The following STOX2 variants were observed in gnomAD, a reference collection of about 807,000 sequenced individuals.
STOX2 encodes the protein storkhead-box protein 2.
Under a neutral mutation model 60.9 loss-of-function variants are expected in STOX2, and 28 were observed. The observed-to-expected ratio is 0.46, with a 90% CI of 0.34 to 0.63. The LOEUF is 0.63. Among genes scored for constraint, STOX2 ranks in the 30% least tolerant of loss-of-function variants. The pLI, the probability that STOX2 is intolerant of heterozygous loss-of-function variation, is 0.01. For synonymous variants in STOX2, 472 were observed against 463.9 expected (o/e 1.02, Z -0.22); for missense variants, 1,024 against 1,187.7 (o/e 0.86, Z 2.03).
chr4:183,929,737 C>T (rs1032175051), intron 1 of STOX2, among the ~76,000 whole-genome samples: 1 of 152,150 alleles, frequency 6.6e-6, no homozygotes, highest in Non-Finnish European at 1.5e-5. Context: ...GCCACAGCAT[C>T]GACAAGCTCC....
intron 1 of STOX2, among the ~76,000 whole-genome samples, chr4:183,873,652 C>T (rs1740747050): frequency 6.6e-6 from 1 of 152,152 alleles, no homozygotes; most frequent in Admixed American, 6.5e-5. Flanking sequence ...TTTACTGTCT[C>T]TTGGGTATGT....
At chr4:184,015,320 T>C (rs558327518) in intron 3 of STOX2, 19 of 152,344 alleles carry the variant, frequency 1.2e-4, no homozygotes, top group African/African-American at 4.6e-4. Flanking sequence ...AAGCCACTGG[T>C]GAGTTTTCCT....
intron 1 of STOX2, among the ~76,000 whole-genome samples, chr4:183,899,366 A>T (rs1438296079): frequency 1.3e-5 from 2 of 152,248 alleles, no homozygotes; most frequent in East Asian, 3.8e-4. Flanking sequence ...AGGCATGTCC[A>T]AAGCTGAGAT....
At chr4:183,861,220 A>G (rs1238351406) in intron 1 of STOX2, among the ~76,000 whole-genome samples, 1 of 152,180 alleles carries the variant, frequency 6.6e-6, no homozygotes, top group Non-Finnish European at 1.5e-5. Flanking sequence ...TCAGGAGCAG[A>G]CAGGACCCCC....
chr4:183,857,751 G>T (rs1363010717), intron 1 of STOX2, among the ~76,000 whole-genome samples: 5 of 151,984 alleles, frequency 3.3e-5, no homozygotes, highest in Non-Finnish European at 7.4e-5. Context: ...TGTCTGCTTT[G>T]CAGCCCCCCT....
chr4:183,867,791 G>C (rs1376684273), intron 1 of STOX2, among the ~76,000 whole-genome samples: 4 of 152,214 alleles, frequency 2.6e-5, no homozygotes, highest in African/African-American at 9.6e-5. Flanking sequence ...AGACACAAAG[G>C]TTGAGTAGCT....
intron 1 of STOX2, among the ~76,000 whole-genome samples, chr4:183,956,020 C>T (rs1422099849): frequency 6.6e-6 from 1 of 152,168 alleles, no homozygotes; most frequent in Non-Finnish European, 1.5e-5. Context: ...TTTCTCCTTT[C>T]AGCTATGCTT....
In STOX2 at chr4:183,867,753, C is replaced by T. The variant is rs576882236; in HGVS notation, c.364+69698C>T. 2.0e-5 allele frequency among the ~76,000 whole-genome samples: 3 copies of T among 152,316 alleles called. No individual in the cohort carries two copies. In the South Asian group the frequency reaches 6.2e-4, roughly 32 times the overall value. On this transcript the variant is annotated intron_variant, in intron 1 of 2. Transcript: ENST00000513034. ...TATTAGTATTAATCGTGCTCCCTTG[C>T]TGCTCCAGGCTCTGTGCTGGGCTCA...
intron 1 of STOX2, among the ~76,000 whole-genome samples, chr4:183,861,383 A>G (rs1312613975): frequency 6.6e-6 from 1 of 152,128 alleles, no homozygotes; most frequent in Non-Finnish European, 1.5e-5. Context: ...GCCATGGTGA[A>G]GTTTGTTGCA....
At chr4:183,823,760 GGCCTT>G (rs1265154000) in intron 1 of STOX2, among the ~76,000 whole-genome samples, 1 of 152,228 alleles carries the variant, frequency 6.6e-6, no homozygotes, top group Non-Finnish European at 1.5e-5. Flanking sequence ...GATGAGCAGA[GGCCTT>G]TCAATTCCAA....
At chr4:183,961,973 A>G (rs1318245829) in intron 1 of STOX2, among the ~76,000 whole-genome samples, 2 of 152,262 alleles carry the variant, frequency 1.3e-5, no homozygotes. Flanking sequence ...TTTGTCTAAA[A>G]CAAAGCAGGG....
chr4:183,810,834 A>G (rs1384019619), intron 1 of STOX2, among the ~76,000 whole-genome samples: 1 of 152,132 alleles, frequency 6.6e-6, no homozygotes, highest in East Asian at 1.9e-4. Context: ...TAAGCCAGAT[A>G]TACTTCTGTT....
At chr4:183,952,793 A>T (rs532285379) in intron 1 of STOX2, among the ~76,000 whole-genome samples, 1 of 152,332 alleles carries the variant, frequency 6.6e-6, no homozygotes, top group Admixed American at 6.5e-5. Context: ...ACATATGCTC[A>T]TGAGTGGTGA....
chr4:183,837,077 G>A (rs1487082331), intron 1 of STOX2, among the ~76,000 whole-genome samples: 1 of 152,126 alleles, frequency 6.6e-6, no homozygotes, highest in African/African-American at 2.4e-5. Context: ...CTATGCTGGT[G>A]AGTGAAGATT....
At chr4:184,004,270 T>C (rs969882708) in intron 2 of STOX2, among the ~76,000 whole-genome samples, 3 of 152,202 alleles carry the variant, frequency 2.0e-5, no homozygotes, top group Admixed American at 6.5e-5. Flanking sequence ...TGGGCATCCA[T>C]ATTCTAAAGA....
intron 1 of STOX2, among the ~76,000 whole-genome samples, chr4:183,957,774 C>CT (rs1448464119): frequency 6.6e-6 from 1 of 152,216 alleles, no homozygotes; most frequent in Non-Finnish European, 1.5e-5. Flanking sequence ...AATTATTTCT[C>CT]TAAGGCACCG....
intron 1 of STOX2, among the ~76,000 whole-genome samples, chr4:183,959,433 G>A (rs780061407): frequency 3.9e-5 from 6 of 152,164 alleles, no homozygotes; most frequent in Non-Finnish European, 8.8e-5. Flanking sequence ...ACAAAAGCTG[G>A]CATTTTCTTT....
At chr4:183,944,086 TGTAG>T (rs1453270761) in intron 1 of STOX2, among the ~76,000 whole-genome samples, 7 of 152,106 alleles carry the variant, frequency 4.6e-5, no homozygotes, top group Admixed American at 4.6e-4. Context: ...ATGTTCTGAG[TGTAG>T]ATAGAGAGAA....
chr4:184,017,103 T>A lies in STOX2; in HGVS notation c.2600T>A (p.Leu867Gln). The A allele has an allele frequency of 6.2e-7, 1 of 1,610,424 alleles. No homozygotes were observed. Among genetic ancestry groups the A allele is most frequent in the Non-Finnish European group, 8.5e-7 (1 of 1,178,620 alleles). The change falls in exon 4 of 4, where the codon CTG becomes CAG. Residue 867 changes from leucine to glutamine, a missense_variant. Transcript: ENST00000308497. ...GFNSPRTRES[L>Q]ASNTSSIVES... ...TGCTCTTTTAGTACTCGGGAGAGCC[T>A]GGCTTCCAACACATCAAGCATTGTT...
Sources: gnomAD v4.1 joint callset for allele counts (sites outside exome capture counted in the v4.1 genomes callset) on GRCh38, gnomAD v4.1.1 for gene constraint, MANE v1.5 for transcripts, NCBI Gene and HGNC (gene_info 2026-07-23, HGNC 2026-07-21) for gene names.